Variants in NWD2 observed in about 807,000 individuals in gnomAD.
NWD2 encodes the protein NACHT and WD repeat domain-containing protein 2.
In NWD2, 37 loss-of-function variants were observed where a neutral mutation model predicts 132.7. The ratio of observed to expected loss-of-function variants is 0.28; its 90% CI spans 0.21 to 0.37. The LOEUF is 0.37. NWD2 is among the 10% of genes least tolerant of loss of function. The probability of loss-of-function intolerance (pLI) is 1.00; values close to 1 mark genes in which losing one functional copy is unlikely to be tolerated. For missense variants in NWD2, 1,592 were observed against 2,122.4 expected (o/e 0.75, Z 4.91); for synonymous variants, 705 against 803.0 (o/e 0.88, Z 2.06).
intron 2 of NWD2, among the ~76,000 whole-genome samples, chr4:37,330,081 G>A (rs1044603076): frequency 7.9e-5 from 12 of 152,132 alleles, no homozygotes; most frequent in East Asian, 1.9e-4. Flanking sequence ...AAATTAATAC[G>A]CATTTTAAGC....
Position 37,445,400 on chromosome 4 carries a change from T to G in NWD2, c.3412T>G (p.Ser1138Ala). The change falls in exon 7 of 7, where the codon TCA becomes GCA. Residue 1138 changes from serine to alanine, a missense_variant. By Grantham distance (99) the Ser-to-Ala change is moderately conservative. Transcript: ENST00000309447. The surrounding 1 kb of genome is among the most constrained non-coding windows in gnomAD (Gnocchi z 4.7). ...TGGAGAAAAGTTATGTACAGTGACATCAGAATTTTCAGGTGGATTTGTGAA... is the reference window on the plus strand; with the variant it reads ...TGGAGAAAAGTTATGTACAGTGACAGCAGAATTTTCAGGTGGATTTGTGAA... ...GSGEKLCTVT[S>A]EFSGGFVKFL... 1 of 1,552,066 alleles carries G rather than the reference T, an allele frequency of 6.4e-7. No homozygotes were observed. Among genetic ancestry groups the G allele is most frequent in the Non-Finnish European group, 8.7e-7 (1 of 1,147,066 alleles).
intron 1 of NWD2, among the ~76,000 whole-genome samples, chr4:37,248,660 T>C (rs1325251110): frequency 1.3e-5 from 2 of 152,210 alleles, no homozygotes; most frequent in Non-Finnish European, 2.9e-5. Context: ...GTGATTAGCC[T>C]AAATAGTCCA....
intron 3 of NWD2, among the ~76,000 whole-genome samples, chr4:37,405,494 AAC>A (rs1720984676): frequency 6.9e-6 from 1 of 144,362 alleles, no homozygotes; most frequent in South Asian, 2.2e-4. Context: ...TAGAATAGAA[AAC>A]ATCAGGGCGA....
At chr4:37,371,274 C>T (rs1302854981) in intron 3 of NWD2, among the ~76,000 whole-genome samples, 2 of 151,784 alleles carry the variant, frequency 1.3e-5, no homozygotes, top group Non-Finnish European at 2.9e-5. Flanking sequence ...ACAGGGTTCA[C>T]CATGTTGGCC....
intron 2 of NWD2, among the ~76,000 whole-genome samples, chr4:37,348,522 C>T (rs1329277919): frequency 6.7e-6 from 1 of 150,004 alleles, no homozygotes; most frequent in East Asian, 2.0e-4. Context: ...AATTCCAGGC[C>T]ATGACCAACC....
intron 2 of NWD2, among the ~76,000 whole-genome samples, chr4:37,337,620 C>T (rs1040912363): frequency 1.3e-5 from 2 of 152,198 alleles, no homozygotes; most frequent in African/African-American, 4.8e-5. Context: ...GCTGAGGTTC[C>T]ATCTCTCCTT....
In NWD2 at chr4:37,443,027, G is replaced by T. The variant is rs528041069; in HGVS notation, c.1297-258G>T. ...TCTGGAATACAAGCTAAATATTGCCGAATGAGTGAAAAATACTATTATTGC... is the reference window on the plus strand; with the variant it reads ...TCTGGAATACAAGCTAAATATTGCCTAATGAGTGAAAAATACTATTATTGC... On this transcript the variant is annotated intron_variant, in intron 6 of 6. Transcript: ENST00000309447. This position sits in a 1 kb window ranked among gnomAD's most constrained non-coding sequence, Gnocchi z 4.1. 6.6e-6 allele frequency among the ~76,000 whole-genome samples: 1 copy of T among 151,714 alleles called. No homozygotes were observed. Among genetic ancestry groups the T allele is most frequent in the Non-Finnish European group, 1.5e-5 (1 of 67,958 alleles).
chr4:37,260,802 C>T (rs1717620616), intron 1 of NWD2, among the ~76,000 whole-genome samples: 1 of 152,116 alleles, frequency 6.6e-6, no homozygotes, highest in Non-Finnish European at 1.5e-5. Context: ...TGGGATAAGG[C>T]AGACAGAGTG....
At chr4:37,273,383 A>G (rs908970866) in intron 1 of NWD2, among the ~76,000 whole-genome samples, 3 of 152,082 alleles carry the variant, frequency 2.0e-5, no homozygotes, top group African/African-American at 7.2e-5. Flanking sequence ...AGAGCTAACT[A>G]TCCTAAATAT....
In NWD2 at chr4:37,246,798, CTT is replaced by C. The variant is rs534000450; in HGVS notation, c.151+1584_151+1585del. 2.8e-3 allele frequency among the ~76,000 whole-genome samples: 421 copies of C among 152,292 alleles called. 2 individuals carry two copies. The highest frequency in any genetic ancestry group is 5.1e-3 in the Non-Finnish European group (344 of 68,022). ...CTGATGTGAAGCTAGCTAAATCACT[CTT>C]TTTCTTTAAACTTGTGGCTTCTAAA... is the stretch of plus-strand genomic sequence containing the variant. On this transcript the variant is annotated intron_variant, in intron 1 of 6. Transcript: ENST00000309447.
chr4:37,315,009 G>T (rs901894781), intron 1 of NWD2, among the ~76,000 whole-genome samples: 1 of 152,054 alleles, frequency 6.6e-6, no homozygotes, highest in Non-Finnish European at 1.5e-5. Context: ...TTTGATGCAT[G>T]AGTAATAATG....
At chr4:37,260,850 A>T (rs1450354599) in intron 1 of NWD2, among the ~76,000 whole-genome samples, 1 of 152,174 alleles carries the variant, frequency 6.6e-6, no homozygotes, top group Non-Finnish European at 1.5e-5. Context: ...CTTCATCCTG[A>T]ATTGTGTAAT....
chr4:37,357,277 G>GA (rs1168131609), intron 3 of NWD2, among the ~76,000 whole-genome samples: 1 of 151,764 alleles, frequency 6.6e-6, no homozygotes, highest in South Asian at 2.1e-4. Flanking sequence ...TGAGTGCTAT[G>GA]AAAAAAAATC....
chr4:37,349,863 T>A (rs754997654), intron 2 of NWD2, among the ~76,000 whole-genome samples: 5 of 152,206 alleles, frequency 3.3e-5, no homozygotes, highest in Admixed American at 6.5e-5. Flanking sequence ...AATTTTTATA[T>A]AAGTTATAAG....
intron 1 of NWD2, among the ~76,000 whole-genome samples, chr4:37,287,738 C>G (rs1372163176): frequency 1.3e-5 from 2 of 152,174 alleles, no homozygotes; most frequent in Non-Finnish European, 2.9e-5. Flanking sequence ...ATCTGGGCAG[C>G]CCAGACAAGT....
In NWD2 at chr4:37,313,414, G is replaced by A. The variant is rs565960212; in HGVS notation, c.152-12522G>A. Among the ~76,000 whole-genome samples, 160 of 151,200 alleles carry A rather than the reference G, an allele frequency of 1.1e-3. 8 individuals are homozygous for A. Among genetic ancestry groups the A allele is most frequent in the African/African-American group, 3.6e-3 (147 of 40,504 alleles). On this transcript the variant is annotated intron_variant, in intron 1 of 6. Coordinates refer to ENST00000309447, the MANE Select transcript of NWD2 (RefSeq NM_001144990.2). ...CTTCTAGATTTTCTAGTTTATTTGC[G>A]TAGAGTTATTGGTAGTATTCTCTGA...
chr4:37,443,461 C>T lies in NWD2; in HGVS notation c.1473C>T (p.Asp491=), dbSNP rs753024880. ...LVQSYPKKIH[D]LCDLFINLLN... ...AAAGCTACCCTAAGAAGATCCATGA[C>T]CTCTGTGACTTATTTATAAATCTTT... Residue 491 remains aspartate, a synonymous_variant, in exon 7 of 7, where the codon GAC becomes GAT. Transcript: ENST00000309447. The surrounding 1 kb of genome is among the most constrained non-coding windows in gnomAD (Gnocchi z 4.1). 2 of 1,552,186 alleles carry T rather than the reference C, an allele frequency of 1.3e-6. No homozygotes were observed. The highest frequency in any genetic ancestry group is 1.7e-6 in the Non-Finnish European group (2 of 1,147,106).
chr4:37,370,054 C>T (rs1720183990), intron 3 of NWD2, among the ~76,000 whole-genome samples: 1 of 152,194 alleles, frequency 6.6e-6, no homozygotes, highest in South Asian at 2.1e-4. Flanking sequence ...ATTACTGCTC[C>T]TCACTCCTTT....
At chr4:37,377,260 T>G (rs572756496) in intron 3 of NWD2, among the ~76,000 whole-genome samples, 1 of 152,352 alleles carries the variant, frequency 6.6e-6, no homozygotes, top group Admixed American at 6.5e-5. Context: ...GCAAATTAAG[T>G]GCTCACTTCC....
Sources: allele counts gnomAD v4.1 joint callset (sites outside exome capture counted in the v4.1 genomes callset), GRCh38; gene constraint gnomAD v4.1.1; non-coding constraint Gnocchi (gnomAD v3.1); transcripts MANE v1.5; gene names NCBI Gene and HGNC (gene_info 2026-07-23, HGNC 2026-07-21).